MYBL2: variants seen among roughly 807,000 people sequenced by gnomAD.
MYBL2 encodes myb-related protein B.
In MYBL2, 28 loss-of-function variants were observed where a neutral mutation model predicts 79.9. The ratio of observed to expected loss-of-function variants is 0.35; its 90% CI spans 0.26 to 0.48. MYBL2 has a LOEUF of 0.48. Ranked by LOEUF, MYBL2 falls within the 20% of genes least tolerant of loss-of-function variation. The pLI is 0.99. For missense variants in MYBL2, 735 were observed against 893.9 expected, an observed-to-expected ratio of 0.82 and a Z score of 2.27; for synonymous variants, 378 against 361.2, an observed-to-expected ratio of 1.05 and a Z score of -0.53.
chr20:43,667,333 T>TCCCCCTCCCTTTAACTCA, intron 1 of MYBL2, 30 bp downstream of exon 1: 1 of 1,214,268 alleles, frequency 8.2e-7, no homozygotes, highest in Non-Finnish European at 1.0e-6. Context: ...CTTGGGCCCC[T>TCCCCCTCCCTTTAACTCA]CCCCCTCCCT....
intron 5 of MYBL2, among the ~76,000 whole-genome samples, chr20:43,688,234 C>T (rs1987326837): frequency 1.3e-5 from 2 of 151,658 alleles, no homozygotes. Flanking sequence ...CAGAGTCTCG[C>T]TCTGTCATCC....
At position 43,705,131 on chromosome 20, in the gene MYBL2, C is replaced by T. The variant is rs532027842; in HGVS notation, c.1366-88C>T. The T allele has an allele frequency of 8.9e-5, 135 of 1,520,850 alleles. No individual in the cohort carries two copies. The African/African-American group carries it at 1.5e-3, about 17-fold the overall frequency. 94.2% of individuals were successfully genotyped at this position (1,520,850 alleles called of 1,614,324 possible). On this transcript the variant is annotated intron_variant, in intron 8 of 13. Transcript: ENST00000217026. ...GAGCAGACGTTTTGGGGGAGAGGCT[C>T]AAGGATCTCTCCCCATGATCCCCTG...
chr20:43,683,748 G>A (rs1987201846), intron 4 of MYBL2, among the ~76,000 whole-genome samples: 2 of 151,850 alleles, frequency 1.3e-5, no homozygotes, highest in African/African-American at 2.4e-5. Context: ...TAGAGATGGG[G>A]TTTCACCATG....
At chr20:43,682,690 C>T (rs1987172861) in intron 3 of MYBL2, 104 bp from the exon 4 acceptor site, 6 of 1,011,988 alleles carry the variant, frequency 5.9e-6, no homozygotes, top group African/African-American at 1.6e-5. Context: ...CAAGGTGTGC[C>T]TAGTCCCAGG....
chr20:43,678,876 A>C (rs975050969), intron 2 of MYBL2, among the ~76,000 whole-genome samples: 4 of 5,514 alleles, frequency 7.3e-4, no homozygotes, highest in Admixed American at 2.3e-3. Context: ...AAAAAAAAAG[A>C]AAAAAACATA....
At chr20:43,705,579 T>G (rs1987762059) in intron 9 of MYBL2, among the ~76,000 whole-genome samples, 1 of 152,234 alleles carries the variant, frequency 6.6e-6, no homozygotes, top group Non-Finnish European at 1.5e-5. Context: ...TATTTTTTAA[T>G]TTGATAGTTT....
In MYBL2 at chr20:43,712,844, A is replaced by G. The variant is rs561632249; in HGVS notation, c.1720-158A>G. On this transcript the variant is annotated intron_variant, in intron 11 of 13. Coordinates refer to ENST00000217026, the MANE Select transcript of MYBL2 (RefSeq NM_002466.4). ...GGGGCCTAACTTTCCCAGCCACCCC[A>G]TTCTTCTGACAGCAGATTCCCACTA... Among the ~76,000 whole-genome samples the G allele has an allele frequency of 7.2e-5, 11 of 152,222 alleles. 1 individual carries two copies. Among genetic ancestry groups the G allele is most frequent in the Admixed American group, 2.6e-4 (4 of 15,306 alleles).
At chr20:43,698,944 C>T (rs1175174360) in intron 6 of MYBL2, among the ~76,000 whole-genome samples, 1 of 150,776 alleles carries the variant, frequency 6.6e-6, no homozygotes, top group Non-Finnish European at 1.5e-5. Context: ...CTCAAGGGAC[C>T]CAATTGCCTC....
chr20:43,678,858 A>G (rs1234752836), intron 2 of MYBL2, among the ~76,000 whole-genome samples: 1 of 48,368 alleles, frequency 2.1e-5, no homozygotes, highest in East Asian at 4.8e-4. Context: ...ACTCCGTCTC[A>G]AAAAAAAAAA....
At chr20:43,693,310 A>T (rs1987456409) in intron 6 of MYBL2, among the ~76,000 whole-genome samples, 1 of 152,064 alleles carries the variant, frequency 6.6e-6, no homozygotes, top group Admixed American at 6.6e-5. Flanking sequence ...GGGATTACAG[A>T]TGTGAGCCAC....
At chr20:43,669,638 G>T (rs1194086038) in intron 1 of MYBL2, among the ~76,000 whole-genome samples, 5 of 152,212 alleles carry the variant, frequency 3.3e-5, no homozygotes, top group African/African-American at 1.2e-4. Context: ...ATGAGGACTT[G>T]CAGGTGTCTG....
intron 2 of MYBL2, among the ~76,000 whole-genome samples, chr20:43,679,921 A>G (rs1205321348): frequency 6.6e-6 from 1 of 152,106 alleles, no homozygotes; most frequent in Non-Finnish European, 1.5e-5. Context: ...TCAAAAAAAA[A>G]AAAAGGATGG....
intron 11 of MYBL2, 34 bp from the exon 12 acceptor site, chr20:43,712,968 T>C: frequency 6.5e-7 from 1 of 1,536,072 alleles, no homozygotes. Context: ...ATCCAGACAC[T>C]CACCCTAACC....
chr20:43,700,184 C>T, intron 7 of MYBL2, 140 bp downstream of exon 7: 1 of 1,166,916 alleles, frequency 8.6e-7, no homozygotes, highest in Non-Finnish European at 1.2e-6. Context: ...AGCCCTGACC[C>T]AAGGGCTGGG....
At chr20:43,689,911 T>G (rs113025967) in intron 5 of MYBL2, among the ~76,000 whole-genome samples, 1 of 152,080 alleles carries the variant, frequency 6.6e-6, no homozygotes, top group Admixed American at 6.6e-5. Context: ...GTGTTTTGGG[T>G]CAGGTTCCCT....
intron 9 of MYBL2, among the ~76,000 whole-genome samples, chr20:43,708,476 C>T (rs553382044): frequency 5.3e-5 from 8 of 152,156 alleles, no homozygotes; most frequent in East Asian, 1.9e-4. Context: ...CTTAGTCACC[C>T]GGGTTGGAGT....
intron 6 of MYBL2, among the ~76,000 whole-genome samples, chr20:43,699,372 C>T (rs536331365): frequency 6.6e-6 from 1 of 152,238 alleles, no homozygotes; most frequent in African/African-American, 2.4e-5. Context: ...TTCATCTGAG[C>T]CATTTGAGAG....
chr20:43,716,296 G>GTTCCAC lies in MYBL2; in HGVS notation c.*215_*220dup. On this transcript the variant is annotated 3_prime_UTR_variant, in exon 14 of 14. Transcript: ENST00000217026. ...GGCGGCTCCTGGTGCTAACAACAAA[G>GTTCCAC]TTCCACTTCCAGGTCTGCCTGGTTC... 1 of 683,376 alleles carries GTTCCAC rather than the reference G, an allele frequency of 1.5e-6. No individual in the cohort carries two copies. The highest frequency in any genetic ancestry group is 3.4e-5 in the Admixed American group (1 of 29,250). The allele number at this position is 683,376 out of a possible 1,614,324, so 42.3% of individuals were successfully genotyped here.
chr20:43,711,673 A>G, intron 11 of MYBL2, 72 bp downstream of exon 11: 1 of 1,402,578 alleles, frequency 7.1e-7, no homozygotes, highest in Non-Finnish European at 9.8e-7. Flanking sequence ...GCGTCTGGGG[A>G]CAGGTTGTAG....
Sources: gnomAD v4.1 joint callset for allele counts (sites outside exome capture counted in the v4.1 genomes callset) on GRCh38, gnomAD v4.1.1 for gene constraint, MANE v1.5 for transcripts, NCBI Gene and HGNC (gene_info 2026-07-23, HGNC 2026-07-21) for gene names.